The following ARFGEF1 variants were observed in gnomAD, a reference collection of about 807,000 sequenced individuals.
The protein encoded by ARFGEF1 is ARF guanine nucleotide exchange factor 1, also known as brefeldin A-inhibited guanine nucleotide-exchange protein 1.
In ARFGEF1, 42 loss-of-function variants were observed where a neutral mutation model predicts 231.0. The ratio of observed to expected loss-of-function variants is 0.18; its 90% CI spans 0.14 to 0.24. The LOEUF is 0.24. ARFGEF1 is among the 10% of genes least tolerant of loss of function. The probability of loss-of-function intolerance (pLI) is 1.00; values close to 1 mark genes in which losing one functional copy is unlikely to be tolerated. For synonymous variants in ARFGEF1, 710 were observed against 732.3 expected (o/e 0.97, Z 0.49); for missense variants, 1,345 against 2,192.0 (o/e 0.61, Z 7.72).
intron 1 of ARFGEF1, among the ~76,000 whole-genome samples, chr8:67,322,243 G>A (rs985379943): frequency 5.3e-5 from 8 of 152,174 alleles, no homozygotes; most frequent in African/African-American, 1.9e-4. Flanking sequence ...CATTCCTGCT[G>A]TACACTTAAG....
chr8:67,201,065 TAC>T (rs1453596590), intron 37 of ARFGEF1, among the ~76,000 whole-genome samples: 2 of 152,264 alleles, frequency 1.3e-5, no homozygotes, highest in African/African-American at 4.8e-5. Context: ...AGCCTGAGTT[TAC>T]ACGTTAGTTG....
intron 7 of ARFGEF1, among the ~76,000 whole-genome samples, chr8:67,279,213 T>C (rs1210173457): frequency 6.6e-6 from 1 of 152,138 alleles, no homozygotes. Context: ...CCCAGAGTAC[T>C]TATTCCAAAA....
intron 1 of ARFGEF1, among the ~76,000 whole-genome samples, chr8:67,321,301 C>A (rs1401666892): frequency 6.6e-6 from 1 of 152,052 alleles, no homozygotes; most frequent in Admixed American, 6.5e-5. Flanking sequence ...ACGTAAAAAA[C>A]AAAAATACAA....
intron 5 of ARFGEF1, among the ~76,000 whole-genome samples, chr8:67,186,432 A>G (rs1360747888): frequency 2.6e-5 from 4 of 151,702 alleles, no homozygotes; most frequent in African/African-American, 7.3e-5. Context: ...AAAAAAAAAA[A>G]AAAGTCCAAG....
chr8:67,238,728 C>CGTA lies in ARFGEF1; in HGVS notation c.3138+6_3138+7insTAC, dbSNP rs1295482510. The CGTA allele has an allele frequency of 6.2e-7, 1 of 1,613,246 alleles. No individual in the cohort carries two copies. Among genetic ancestry groups the CGTA allele is most frequent in the Non-Finnish European group, 8.5e-7 (1 of 1,179,606 alleles). ...AAATTGCAAAGTTGAAAATAAAGTGCTTATACCTCATGCCATGAATTTCCT... is the reference window on the plus strand; with the variant it reads ...AAATTGCAAAGTTGAAAATAAAGTGCGTATTATACCTCATGCCATGAATTTCCT... On this transcript the variant is annotated splice_region_variant and intron_variant, in intron 21 of 38. Transcript: ENST00000262215.
chr8:67,228,307 G>A (rs767549471), intron 23 of ARFGEF1, 43 bp from the exon 24 acceptor site: 4 of 1,551,242 alleles, frequency 2.6e-6, no homozygotes, highest in East Asian at 2.3e-5. Context: ...ATAAGTTACT[G>A]TTCTTATTCC....
chr8:67,231,927 A>C (rs1839566023), intron 23 of ARFGEF1, among the ~76,000 whole-genome samples: 1 of 151,956 alleles, frequency 6.6e-6, no homozygotes, highest in African/African-American at 2.4e-5. Context: ...ATCTTTCTTC[A>C]GTCTTCACAA....
chr8:67,313,471 G>C (rs555258738), intron 1 of ARFGEF1, among the ~76,000 whole-genome samples: 12 of 152,196 alleles, frequency 7.9e-5, no homozygotes, highest in African/African-American at 2.9e-4. Flanking sequence ...TGTCCCACAG[G>C]GTGTTCCCTT....
At chr8:67,239,850 A>G (rs1839876360) in intron 20 of ARFGEF1, among the ~76,000 whole-genome samples, 1 of 152,192 alleles carries the variant, frequency 6.6e-6, no homozygotes, top group South Asian at 2.1e-4. Context: ...TCAACAAGAT[A>G]TTTTATTCGT....
At chr8:67,255,189 A>G (rs1474714387) in intron 17 of ARFGEF1, among the ~76,000 whole-genome samples, 1 of 152,184 alleles carries the variant, frequency 6.6e-6, no homozygotes, top group Non-Finnish European at 1.5e-5. Flanking sequence ...GAGGTCCCCA[A>G]AATAAGTGCA....
At chr8:67,196,212 C>T (rs1837906683), downstream of ARFGEF1, 1 of 152,236 alleles carries the variant, frequency 6.6e-6, no homozygotes, top group Non-Finnish European at 1.5e-5. Context: ...TTACTAATTA[C>T]ATGATGTAAC....
At chr8:67,217,546 C>G (rs1452131202) in intron 32 of ARFGEF1, among the ~76,000 whole-genome samples, 1 of 151,932 alleles carries the variant, frequency 6.6e-6, no homozygotes, top group Non-Finnish European at 1.5e-5. Context: ...CATTATGTCC[C>G]AAATTTTGGT....
In ARFGEF1 at chr8:67,219,483, C is replaced by A. The variant is rs1214812941; in HGVS notation, c.4286G>T (p.Arg1429Ile). ...YEKHWWQDLF[R>I]IVFRIFDNMK... is the part of the protein sequence containing the mutation. ...ATTGTCAAAGATTCTGAAAACAATT[C>A]TAAATAAATCCTGCCACCAGTGTTT... Residue 1429 changes from arginine (R) to isoleucine (I), a missense_variant, in exon 30 of 39, where the codon AGA becomes ATA. By Grantham distance (97) the Arg-to-Ile change is moderately conservative. Transcript: ENST00000262215. 8 of 1,612,156 alleles carry A rather than the reference C, an allele frequency of 5.0e-6. No individual in the cohort carries two copies. Among genetic ancestry groups the A allele is most frequent in the Non-Finnish European group, 5.9e-6 (7 of 1,179,174 alleles).
chr8:67,336,856 C>T (rs754634191), intron 1 of ARFGEF1, among the ~76,000 whole-genome samples: 13 of 152,174 alleles, frequency 8.5e-5, no homozygotes, highest in African/African-American at 1.4e-4. Context: ...GCAGGCCGGG[C>T]GCGGTGGCTC....
chr8:67,229,607 A>C (rs1411962099), intron 23 of ARFGEF1, among the ~76,000 whole-genome samples: 1 of 152,078 alleles, frequency 6.6e-6, no homozygotes, highest in Non-Finnish European at 1.5e-5. Context: ...ATCAAAAGTA[A>C]TATGGCCCCT....
At chr8:67,180,218 G>A (rs1011663046) in intron 5 of ARFGEF1, among the ~76,000 whole-genome samples, 5 of 152,044 alleles carry the variant, frequency 3.3e-5, no homozygotes, top group African/African-American at 1.2e-4. Flanking sequence ...TAGATGAATG[G>A]TTAAAAAAAC....
chr8:67,340,298 G>A lies in ARFGEF1; in HGVS notation c.124+2866C>T, dbSNP rs141973737. ...AAGACAGACAGGTGGGTATTTAGAA[G>A]GGTTATAACACCACCCACAAAATGA... On this transcript the variant is annotated intron_variant, in intron 1 of 38. Transcript: ENST00000262215. Among the ~76,000 whole-genome samples, 694 of 152,304 alleles carry A rather than the reference G, an allele frequency of 4.6e-3. 6 individuals are homozygous for A. Among genetic ancestry groups the A allele is most frequent in the African/African-American group, 0.015 (640 of 41,558 alleles).
chr8:67,254,506 A>G (rs1316038124), intron 17 of ARFGEF1, among the ~76,000 whole-genome samples: 3 of 152,190 alleles, frequency 2.0e-5, no homozygotes, highest in Non-Finnish European at 4.4e-5. Flanking sequence ...GTACACAGAA[A>G]AACAATCAAG....
chr8:67,334,961 G>C (rs530384410), intron 1 of ARFGEF1, among the ~76,000 whole-genome samples: 3 of 152,152 alleles, frequency 2.0e-5, no homozygotes, highest in Admixed American at 2.0e-4. Flanking sequence ...TATGCTGATG[G>C]CTGCATAATT....
Sources: allele counts gnomAD v4.1 joint callset (sites outside exome capture counted in the v4.1 genomes callset), GRCh38; gene constraint gnomAD v4.1.1; transcripts MANE v1.5; gene names NCBI Gene and HGNC (gene_info 2026-07-23, HGNC 2026-07-21).